NCAPG2: variants seen among roughly 807,000 people sequenced by gnomAD.
NCAPG2 encodes the protein condensin-2 complex subunit G2.
Under a neutral mutation model 141.1 loss-of-function variants are expected in NCAPG2, and 53 were observed. The ratio of observed to expected loss-of-function variants is 0.38; its 90% CI spans 0.30 to 0.47. NCAPG2 has a LOEUF of 0.47. Ranked by LOEUF, NCAPG2 falls within the 20% of genes least tolerant of loss-of-function variation. The probability of loss-of-function intolerance (pLI) is 0.99; values close to 1 mark genes in which losing one functional copy is unlikely to be tolerated. For missense variants in NCAPG2, 1,087 were observed against 1,389.0 expected (o/e 0.78, Z 3.46); for synonymous variants, 499 against 490.7 (o/e 1.02, Z -0.22).
At chr7:158,676,785 T>A (rs1019472833) in intron 11 of NCAPG2, among the ~76,000 whole-genome samples, 2 of 152,216 alleles carry the variant, frequency 1.3e-5, no homozygotes, top group African/African-American at 2.4e-5. Context: ...AAAAAAAGAT[T>A]TCAAGTTAAA....
At position 158,644,339 on chromosome 7, in the gene NCAPG2, T is replaced by C; in HGVS notation, c.3330A>G (p.Arg1110=). 1 of 1,614,148 alleles carries C rather than the reference T, an allele frequency of 6.2e-7. No individual in the cohort carries two copies. Among genetic ancestry groups the C allele is most frequent in the Non-Finnish European group, 8.5e-7 (1 of 1,179,974 alleles). The change falls in exon 27 of 28, where the codon AGA becomes AGG. Residue 1110 remains arginine (R), a synonymous_variant. Coordinates refer to ENST00000356309, the MANE Select transcript of NCAPG2 (RefSeq NM_017760.7). ...TAATTTCCATGAATGTCTTTAGTTTTCTGTGAACAGTGGCTGCAACCTCCC... is the reference window on the plus strand; with the variant it reads ...TAATTTCCATGAATGTCTTTAGTTTCCTGTGAACAGTGGCTGCAACCTCCC... ...KVREVAATVH[R]KLKTFMEITL...
Position 158,680,072 on chromosome 7 carries a change from T to G in NCAPG2, c.1034A>C (p.Glu345Ala), listed in dbSNP as rs1171728697. 1 of 1,613,758 alleles carries G rather than the reference T, an allele frequency of 6.2e-7. No homozygotes were observed. The highest frequency in any genetic ancestry group is 8.5e-7 in the Non-Finnish European group (1 of 1,179,846). ...CAACAATGCAGCATTTGATCGAACTTCAGAGTTTCTGGCCTATAATAATAA... is the reference window on the plus strand; with the variant it reads ...CAACAATGCAGCATTTGATCGAACTGCAGAGTTTCTGGCCTATAATAATAA... ...LWRGLKARNS[E>A]VRSNAALLFV... The change falls in exon 11 of 28, where the codon GAA becomes GCA. Residue 345 changes from glutamate to alanine, a missense_variant. Glu to Ala is a moderately radical substitution (Grantham distance 107). Transcript: ENST00000356309.
Position 158,658,326 on chromosome 7 carries a change from CAG to C in NCAPG2, c.2060+10_2060+11del, listed in dbSNP as rs778367427. 25 of 1,601,680 alleles carry C rather than the reference CAG, an allele frequency of 1.6e-5. No individual in the cohort carries two copies. The highest frequency in any genetic ancestry group is 2.0e-5 in the Non-Finnish European group (23 of 1,173,976). ...CCTACTTTTCTACCGTACCAAAAAA[CAG>C]AGCAAATACCTGAATGGGGGGACAG... is the stretch of plus-strand genomic sequence containing the variant. On this transcript the variant is annotated intron_variant, in intron 17 of 27. Coordinates refer to ENST00000356309, the MANE Select transcript of NCAPG2 (RefSeq NM_017760.7).
rs61745702 is a variant in NCAPG2, at chr7:158,656,391, G to T, written c.2257C>A (p.Arg753Ser). ...AATGCCAATTCAGGTTTGACTGGGC[G>T]TGTGTCATGGATCTGCACCCTACCT... ...SKGRVQIHDTRPVKPELALVY... is the reference protein window; with the variant it reads ...SKGRVQIHDTSPVKPELALVY... The change falls in exon 19 of 28, where the codon CGC becomes AGC. Residue 753 changes from arginine to serine, a missense_variant. Arg to Ser is a moderately radical substitution (Grantham distance 110, BLOSUM62 -1). Transcript: ENST00000356309. 2 of 1,614,198 alleles carry T rather than the reference G, an allele frequency of 1.2e-6. No individual in the cohort carries two copies. The highest frequency in any genetic ancestry group is 1.7e-6 in the Non-Finnish European group (2 of 1,180,030).
rs200693006 is a variant in NCAPG2, at chr7:158,683,304, C to T, written c.920G>A (p.Arg307Gln). ...PRRSPVHSKV[R>Q]EVLSYFHHQK... is the part of the protein sequence containing the mutation. Reference sequence around the variant, plus strand: ...ACAATCTGTTCACAATCTTACCTCCCGCACTTTGGAATGCACTGGAGACCT... The same window carrying T: ...ACAATCTGTTCACAATCTTACCTCCTGCACTTTGGAATGCACTGGAGACCT... The change falls in exon 9 of 28, where the codon CGG becomes CAG. Residue 307 changes from arginine (R) to glutamine (Q), a missense_variant. By Grantham distance (43) the Arg-to-Gln change is conservative. Transcript: ENST00000356309. The T allele has an allele frequency of 1.0e-5, 16 of 1,584,344 alleles. No homozygotes were observed. Among genetic ancestry groups the T allele is most frequent in the South Asian group, 3.4e-5 (3 of 87,276 alleles).
Position 158,687,423 on chromosome 7 carries a change from C to A in NCAPG2, c.692G>T (p.Cys231Phe), listed in dbSNP as rs770771384. 6.2e-6 allele frequency: 10 copies of A among 1,605,546 alleles called. No individual in the cohort carries two copies. The highest frequency in any genetic ancestry group is 2.2e-5 in the East Asian group (1 of 44,696). ...GAAGTTGATATTCCAGTTGAAGAGA[C>A]AACTAAGAAATCTTCTTCCCTAGAA... is the stretch of plus-strand genomic sequence containing the variant. ...KKEEGRRFLS[C>F]LFNWNINFIK... is the part of the protein sequence containing the mutation. The change falls in exon 7 of 28, where the codon TGT becomes TTT. Residue 231 changes from cysteine (C) to phenylalanine (F), a missense_variant. By Grantham distance (205) the Cys-to-Phe change is radical. Coordinates refer to ENST00000356309, the MANE Select transcript of NCAPG2 (RefSeq NM_017760.7).
At chr7:158,647,206 C>G (rs1005888688) in intron 24 of NCAPG2, among the ~76,000 whole-genome samples, 1 of 152,110 alleles carries the variant, frequency 6.6e-6, no homozygotes, top group South Asian at 2.1e-4. Context: ...TCTAAATTGG[C>G]GTTTCTCAAT....
At chr7:158,638,961 C>T (rs1050028810) in intron 27 of NCAPG2, among the ~76,000 whole-genome samples, 8 of 152,146 alleles carry the variant, frequency 5.3e-5, no homozygotes, top group African/African-American at 1.9e-4. Context: ...TAAACATAAA[C>T]CTCATATCAA....
intron 27 of NCAPG2, among the ~76,000 whole-genome samples, chr7:158,643,457 T>C (rs1830782828): frequency 6.6e-6 from 1 of 152,210 alleles, no homozygotes; most frequent in African/African-American, 2.4e-5. Context: ...ATTACAGGCA[T>C]TGAGTTACTG....
chr7:158,672,606 GC>G (rs1178182890), intron 12 of NCAPG2, among the ~76,000 whole-genome samples: 1 of 151,922 alleles, frequency 6.6e-6, no homozygotes, highest in African/African-American at 2.4e-5. Flanking sequence ...CTCCCAAAGT[GC>G]TGGGACTACA....
intron 12 of NCAPG2, among the ~76,000 whole-genome samples, chr7:158,672,308 ATATATATATATATATATATATTTTTTT>A (rs1833761566): frequency 2.7e-5 from 1 of 36,968 alleles, no homozygotes; most frequent in South Asian, 1.2e-3. Context: ...ATATATATAT[ATATATATATATATATATATATTTTTTT>A]TTTTTTTTTT....
In NCAPG2 at chr7:158,647,641, G is replaced by A. The variant is rs116460900; in HGVS notation, c.3076-1078C>T. 6.8e-3 allele frequency among the ~76,000 whole-genome samples: 1,041 copies of A among 152,000 alleles called. 12 individuals carry two copies. Among genetic ancestry groups the A allele is most frequent in the African/African-American group, 0.019 (786 of 41,432 alleles). On this transcript the variant is annotated intron_variant, in intron 24 of 27. Coordinates refer to ENST00000356309, the MANE Select transcript of NCAPG2 (RefSeq NM_017760.7). Reference sequence around the variant, plus strand: ...CCTGTATCTCTCCACCACTGTGTTAGGCCCGATTCTTGGCTATCTTAGGAG... The same window carrying A: ...CCTGTATCTCTCCACCACTGTGTTAAGCCCGATTCTTGGCTATCTTAGGAG...
Position 158,701,945 on chromosome 7 carries a change from G to A in NCAPG2, c.-39-7C>T, listed in dbSNP as rs755149877. The A allele has an allele frequency of 6.8e-6, 10 of 1,468,858 alleles. No individual in the cohort carries two copies. The highest frequency in any genetic ancestry group is 1.7e-4 in the Middle Eastern group (1 of 5,740). 91.0% of individuals were successfully genotyped at this position (1,468,858 alleles called of 1,614,324 possible). A position where few individuals can be genotyped will look rare whatever the true frequency, so the allele number is the denominator to read the frequency against. The stretch of plus-strand genomic sequence containing the variant: ...TGGCATTTATTTTGTAACCCTAATG[G>A]AAAACACAATCATACTGAAACACTT... On this transcript the variant is annotated splice_polypyrimidine_tract_variant and splice_region_variant and intron_variant, in intron 1 of 27. Coordinates refer to ENST00000356309, the MANE Select transcript of NCAPG2 (RefSeq NM_017760.7).
intron 21 of NCAPG2, 127 bp downstream of exon 21, chr7:158,654,991 A>G: frequency 8.0e-7 from 1 of 1,255,682 alleles, no homozygotes; most frequent in Non-Finnish European, 1.1e-6. Flanking sequence ...AAAGTTAGAT[A>G]AATGTCCCTG....
rs1303729739 is a variant in NCAPG2 at position 158,657,962 on chromosome 7, G to C, written c.2060+376C>G. On this transcript the variant is annotated intron_variant, in intron 17 of 27. Coordinates refer to ENST00000356309, the MANE Select transcript of NCAPG2 (RefSeq NM_017760.7). ...ACAGATGCTTGAAGGCAGCATGCTC[G>C]TTAAGAGTCATCACCACTCCCTAAT... Among the ~76,000 whole-genome samples, 17 of 151,714 alleles carry C rather than the reference G, an allele frequency of 1.1e-4. No homozygotes were observed. In the East Asian group the frequency reaches 1.6e-3, roughly 14 times the overall value.
chr7:158,638,987 C>T (rs961769329), intron 27 of NCAPG2, among the ~76,000 whole-genome samples: 10 of 152,222 alleles, frequency 6.6e-5, no homozygotes, highest in Non-Finnish European at 1.3e-4. Flanking sequence ...AAACCACACA[C>T]ACTTTGCTCT....
chr7:158,664,559 G>A lies in NCAPG2; in HGVS notation c.1671C>T (p.Tyr557=), dbSNP rs769719559. The change falls in exon 14 of 28, where the codon TAC becomes TAT. Residue 557 remains tyrosine (Y), a synonymous_variant. Coordinates refer to ENST00000356309, the MANE Select transcript of NCAPG2 (RefSeq NM_017760.7). The stretch of plus-strand genomic sequence containing the variant: ...TGGTGCAGGCGGTGTGTTCGTGGGC[G>A]TACTGATAGAACCTCCTGGCAGCGG... ...NHAAARRFYQ[Y]AHEHTACTNI... The A allele has an allele frequency of 2.9e-5, 47 of 1,614,008 alleles. 1 individual carries two copies. Among genetic ancestry groups the A allele is most frequent in the East Asian group, 4.5e-5 (2 of 44,898 alleles).
chr7:158,700,364 C>T (rs1222289415), intron 2 of NCAPG2, among the ~76,000 whole-genome samples: 1 of 152,184 alleles, frequency 6.6e-6, no homozygotes, highest in Non-Finnish European at 1.5e-5. Context: ...AACAACGCAC[C>T]CCAGAAGGGC....
At chr7:158,652,653 A>G (rs907264931) in intron 22 of NCAPG2, among the ~76,000 whole-genome samples, 173 bp from the exon 23 acceptor site, 2 of 152,222 alleles carry the variant, frequency 1.3e-5, no homozygotes, top group Non-Finnish European at 2.9e-5. Context: ...CTAAATTCTA[A>G]CCAAAATAAA....
Sources: allele counts gnomAD v4.1 joint callset (sites outside exome capture counted in the v4.1 genomes callset), GRCh38; gene constraint gnomAD v4.1.1; transcripts MANE v1.5; gene names NCBI Gene and HGNC (gene_info 2026-07-23, HGNC 2026-07-21).